The following MYT1L variants were observed in gnomAD, a reference collection of about 807,000 sequenced individuals.
MYT1L encodes myelin transcription factor 1 like.
In MYT1L, 12 loss-of-function variants were observed where a neutral mutation model predicts 126.7. The observed-to-expected ratio is 0.09, with a 90% confidence interval of 0.06 to 0.15. The LOEUF (loss-of-function observed/expected upper bound fraction) is 0.15, where lower values mean the gene tolerates loss of function less well. MYT1L is among the 10% of genes least tolerant of loss of function. MYT1L has a pLI of 1.00. For missense variants in MYT1L, 979 were observed against 1,585.2 expected (o/e 0.62, Z 6.49); for synonymous variants, 541 against 604.2 (o/e 0.90, Z 1.53).
At chr2:2,276,259 C>G (rs575234911) in intron 2 of MYT1L, among the ~76,000 whole-genome samples, 6 of 152,128 alleles carry the variant, frequency 3.9e-5, no homozygotes, top group Non-Finnish European at 8.8e-5. Flanking sequence ...TGTGTGGTGC[C>G]TTGACACATT....
chr2:1,906,112 C>A (rs1454955069), intron 13 of MYT1L, among the ~76,000 whole-genome samples: 1 of 152,104 alleles, frequency 6.6e-6, no homozygotes, highest in Non-Finnish European at 1.5e-5. Flanking sequence ...TTAGAAGACA[C>A]AAAAGCTATT....
At chr2:2,266,928 T>C (rs143373162) in intron 2 of MYT1L, among the ~76,000 whole-genome samples, 321 of 152,338 alleles carry the variant, frequency 2.1e-3, no homozygotes, top group African/African-American at 7.3e-3. Context: ...ATTAAAGCTC[T>C]TTCCTTTATA....
rs1369163861 is a variant in MYT1L at position 2,271,711 on chromosome 2, C to A, written c.-421+12693G>T. Among the ~76,000 whole-genome samples the A allele has an allele frequency of 6.6e-5, 10 of 152,222 alleles. 1 individual carries two copies. The highest frequency in any genetic ancestry group is 6.5e-4 in the Admixed American group (10 of 15,282). On this transcript the variant is annotated intron_variant, in intron 2 of 24. Coordinates refer to ENST00000647738, the MANE Select transcript of MYT1L (RefSeq NM_001303052.2). ...TTTCTAGCGAGGGCCTGCATCCTGG[C>A]TGTCAAATGGCCACACTCGCCCTGT... is the stretch of plus-strand genomic sequence containing the variant.
chr2:1,961,471 C>A (rs1408266926), intron 8 of MYT1L, among the ~76,000 whole-genome samples: 2 of 152,200 alleles, frequency 1.3e-5, no homozygotes, highest in African/African-American at 4.8e-5. Context: ...CTCTAGAAGG[C>A]AGGGCTGGTG....
intron 2 of MYT1L, among the ~76,000 whole-genome samples, chr2:2,193,632 A>G (rs188410129): frequency 5.6e-4 from 85 of 152,352 alleles, no homozygotes; most frequent in African/African-American, 1.9e-3. Flanking sequence ...TGCCACTTAT[A>G]TCTGGCAAAT....
At chr2:2,134,111 C>T (rs891984308) in intron 3 of MYT1L, among the ~76,000 whole-genome samples, 2 of 152,140 alleles carry the variant, frequency 1.3e-5, no homozygotes, top group Admixed American at 6.5e-5. Context: ...TATCTCTCCC[C>T]GAAAATCCAT....
chr2:2,300,664 A>G (rs896588848), intron 1 of MYT1L, among the ~76,000 whole-genome samples: 7 of 152,196 alleles, frequency 4.6e-5, no homozygotes, highest in Admixed American at 3.3e-4. Context: ...TCCCATGCGC[A>G]TTTTGAGTTG....
rs1159230936 is a variant in MYT1L at position 2,055,357 on chromosome 2, G to T, written c.-303-1234C>A. Among the ~76,000 whole-genome samples the T allele has an allele frequency of 3.3e-5, 5 of 152,278 alleles. No homozygotes were observed. In the East Asian group the frequency reaches 9.7e-4, roughly 29 times the overall value. The stretch of plus-strand genomic sequence containing the variant: ...CACATAAAAGATTTTACAAGAGCAT[G>T]TTATTAATTAAAAAGCAAAACAAAA... On this transcript the variant is annotated intron_variant, in intron 3 of 24. Transcript: ENST00000647738.
chr2:1,814,010 G>A (rs1381647681), intron 21 of MYT1L, among the ~76,000 whole-genome samples: 1 of 135,944 alleles, frequency 7.4e-6, no homozygotes, highest in African/African-American at 2.7e-5. Flanking sequence ...CTGGGCGACA[G>A]AGCGAGACTC....
chr2:2,061,221 C>T (rs1452901439), intron 3 of MYT1L, among the ~76,000 whole-genome samples: 7 of 152,112 alleles, frequency 4.6e-5, no homozygotes, highest in Non-Finnish European at 8.8e-5. Flanking sequence ...TGGTTTAACT[C>T]GTCCATGGCC....
In MYT1L at chr2:2,116,947, C is replaced by A. The variant is rs114297902; in HGVS notation, c.-304+55925G>T. ...CACATCTGGCATTTGTCACCAACCACATGAAAACTGTGAGTGGACCTACCC... is the reference window on the plus strand; with the variant it reads ...CACATCTGGCATTTGTCACCAACCAAATGAAAACTGTGAGTGGACCTACCC... On this transcript the variant is annotated intron_variant, in intron 3 of 24. Transcript: ENST00000647738. Among the ~76,000 whole-genome samples, 639 of 152,360 alleles carry A rather than the reference C, an allele frequency of 4.2e-3. 5 individuals are homozygous for A. The highest frequency in any genetic ancestry group is 0.015 in the African/African-American group (614 of 41,590).
At chr2:1,934,351 T>C (rs1558452636) in intron 9 of MYT1L, among the ~76,000 whole-genome samples, 1 of 148,994 alleles carries the variant, frequency 6.7e-6, no homozygotes, top group Non-Finnish European at 1.5e-5. Context: ...TCATATGACA[T>C]GTATTTTCTA....
At chr2:2,242,444 T>C (rs1225333490) in intron 2 of MYT1L, among the ~76,000 whole-genome samples, 4 of 152,214 alleles carry the variant, frequency 2.6e-5, no homozygotes, top group Non-Finnish European at 4.4e-5. Context: ...TAGAAGAAAA[T>C]GTCCTGCCCT....
At chr2:2,257,786 A>G (rs1358671295) in intron 2 of MYT1L, among the ~76,000 whole-genome samples, 1 of 151,084 alleles carries the variant, frequency 6.6e-6, no homozygotes, top group African/African-American at 2.5e-5. Context: ...CTGGGTAGGA[A>G]GAATCAATAT....
intron 18 of MYT1L, among the ~76,000 whole-genome samples, chr2:1,867,420 G>A (rs1230967832): frequency 1.3e-5 from 2 of 152,180 alleles, no homozygotes; most frequent in Non-Finnish European, 2.9e-5. Context: ...TCTCGTCCCT[G>A]GAGGTTGGGT....
At chr2:2,153,839 G>T (rs1468645999) in intron 3 of MYT1L, among the ~76,000 whole-genome samples, 4 of 152,100 alleles carry the variant, frequency 2.6e-5, no homozygotes. Flanking sequence ...TGAAGAGGTT[G>T]GCAGCAAGGG....
chr2:1,963,713 C>G (rs2149398304), intron 8 of MYT1L, among the ~76,000 whole-genome samples: 1 of 152,310 alleles, frequency 6.6e-6, no homozygotes. Context: ...CCTCATAAAC[C>G]CACCTCTGCT....
At chr2:2,312,139 G>A (rs774042075) in intron 1 of MYT1L, among the ~76,000 whole-genome samples, 26 of 152,182 alleles carry the variant, frequency 1.7e-4, no homozygotes, top group Admixed American at 9.8e-4. Context: ...AGTCGCCTGT[G>A]TGATGCTCCT....
intron 13 of MYT1L, among the ~76,000 whole-genome samples, chr2:1,906,952 TA>T (rs903471807): frequency 3.3e-5 from 5 of 150,012 alleles, no homozygotes; most frequent in Non-Finnish European, 5.9e-5. Flanking sequence ...TAAAAAATAA[TA>T]AAAAAAATAT....
Sources: allele counts gnomAD v4.1 joint callset (sites outside exome capture counted in the v4.1 genomes callset), GRCh38; gene constraint gnomAD v4.1.1; transcripts MANE v1.5; gene names NCBI Gene and HGNC (gene_info 2026-07-23, HGNC 2026-07-21).